The following RELN variants were observed in gnomAD, a reference collection of about 807,000 sequenced individuals.
RELN encodes the protein reelin.
In RELN, 108 loss-of-function variants were observed where a neutral mutation model predicts 427.6. The ratio of observed to expected loss-of-function variants is 0.25; its 90% CI spans 0.22 to 0.30. The LOEUF (loss-of-function observed/expected upper bound fraction) is 0.30, where lower values mean the gene tolerates loss of function less well. Among genes scored for constraint, RELN ranks in the 10% least tolerant of loss-of-function variants. The probability of loss-of-function intolerance (pLI) is 1.00; values close to 1 mark genes in which losing one functional copy is unlikely to be tolerated. For missense variants in RELN, 3,715 were observed against 4,302.8 expected (o/e 0.86, Z 3.82); for synonymous variants, 1,524 against 1,513.4 (o/e 1.01, Z -0.16).
intron 45 of RELN, among the ~76,000 whole-genome samples, chr7:103,538,794 G>A (rs1359427603): frequency 1.3e-5 from 2 of 151,938 alleles, no homozygotes; most frequent in Non-Finnish European, 2.9e-5. Context: ...ATAAAACCTG[G>A]ATTTACAAAT....
At chr7:103,942,469 T>C (rs1157488895) in intron 1 of RELN, among the ~76,000 whole-genome samples, 3 of 152,174 alleles carry the variant, frequency 2.0e-5, no homozygotes, top group African/African-American at 7.2e-5. Flanking sequence ...CAAAGTGTGG[T>C]CTACAGAACA....
chr7:103,618,374 T>C (rs912328486), intron 20 of RELN, among the ~76,000 whole-genome samples: 2 of 150,386 alleles, frequency 1.3e-5, no homozygotes, highest in African/African-American at 4.9e-5. Flanking sequence ...CTCTAGCCTC[T>C]CCTTCTGTGT....
rs1295097267 is a variant in RELN, at chr7:103,874,004, C to T, written c.338-40332G>A. The stretch of plus-strand genomic sequence containing the variant: ...CCAGCAGCACATCAAAAAGCTTATC[C>T]ACCATGATCAAGTGGGCTTCATCCC... On this transcript the variant is annotated intron_variant, in intron 2 of 64. Coordinates refer to ENST00000428762, the MANE Select transcript of RELN (RefSeq NM_005045.4). Among the ~76,000 whole-genome samples, 21 of 144,468 alleles carry T rather than the reference C, an allele frequency of 1.5e-4. 1 individual carries two copies. The highest frequency in any genetic ancestry group is 2.9e-4 in the Non-Finnish European group (19 of 65,286). 94.8% of individuals were successfully genotyped at this position (144,468 alleles called of 152,430 possible).
At chr7:103,631,699 G>A (rs147634612) in intron 19 of RELN, among the ~76,000 whole-genome samples, 79 of 152,164 alleles carry the variant, frequency 5.2e-4, no homozygotes, top group African/African-American at 1.8e-3. Context: ...TATTAGAAGA[G>A]TCAGGTTTTG....
rs1157819072 is a variant in RELN, at chr7:103,513,423, TATTCTCTG to T, written c.8119+1754_8119+1761del. On this transcript the variant is annotated intron_variant, in intron 50 of 64. Transcript: ENST00000428762. ...ATTCATATGGAAGCAGTGTTTAAAT[TATTCTCTG>T]ATTGTAAACTCACTTATGTAAACCA... is the stretch of plus-strand genomic sequence containing the variant. 9.2e-5 allele frequency: 14 copies of T among 152,332 alleles called. No homozygotes were observed. The South Asian group carries it at 2.7e-3, about 29-fold the overall frequency. 9.4% of individuals were successfully genotyped at this position (152,332 alleles called of 1,614,324 possible).
intron 57 of RELN, among the ~76,000 whole-genome samples, chr7:103,493,244 G>A (rs1166332432): frequency 6.6e-6 from 1 of 152,120 alleles, no homozygotes; most frequent in East Asian, 1.9e-4. Flanking sequence ...AGAGAAGATT[G>A]GATGGATACC....
intron 2 of RELN, among the ~76,000 whole-genome samples, chr7:103,838,830 C>T (rs989539826): frequency 6.6e-6 from 1 of 152,228 alleles, no homozygotes; most frequent in Non-Finnish European, 1.5e-5. Flanking sequence ...CCACATATTA[C>T]TTGACAATTT....
Position 103,749,509 on chromosome 7 carries a change from A to G in RELN, c.578-5T>C, listed in dbSNP as rs1387732584. On this transcript the variant is annotated splice_polypyrimidine_tract_variant and splice_region_variant and intron_variant, in intron 5 of 64. Coordinates refer to ENST00000428762, the MANE Select transcript of RELN (RefSeq NM_005045.4). ...TGCTGTCACTATGTATTTCAGCTAA[A>G]AGAAAAAGGAAGTATTTAGGAAAGA... is the stretch of plus-strand genomic sequence containing the variant. 6.3e-7 allele frequency: 1 copy of G among 1,597,068 alleles called. No homozygotes were observed. Among genetic ancestry groups the G allele is most frequent in the East Asian group, 2.2e-5 (1 of 44,740 alleles).
chr7:103,709,638 G>A (rs1306280434), intron 8 of RELN, among the ~76,000 whole-genome samples: 1 of 152,110 alleles, frequency 6.6e-6, no homozygotes, highest in East Asian at 1.9e-4. Flanking sequence ...GCAGAGAAAG[G>A]ACTATATGAC....
At chr7:103,698,851 T>C (rs1183163382) in intron 9 of RELN, among the ~76,000 whole-genome samples, 1 of 152,132 alleles carries the variant, frequency 6.6e-6, no homozygotes, top group Non-Finnish European at 1.5e-5. Context: ...ACTTTGAAAT[T>C]ATTCACCTAT....
At chr7:103,769,970 T>G (rs987615786) in intron 4 of RELN, among the ~76,000 whole-genome samples, 18 of 152,172 alleles carry the variant, frequency 1.2e-4, no homozygotes, top group African/African-American at 4.3e-4. Context: ...TTGAGATACC[T>G]ACCCACAGAA....
chr7:103,531,063 C>A (rs969582513), intron 46 of RELN, among the ~76,000 whole-genome samples: 4 of 152,126 alleles, frequency 2.6e-5, no homozygotes, highest in Admixed American at 1.3e-4. Context: ...TGATAATAAA[C>A]CTGTGTTATG....
intron 20 of RELN, among the ~76,000 whole-genome samples, chr7:103,615,373 G>A (rs1464977138): frequency 6.6e-6 from 1 of 152,028 alleles, no homozygotes; most frequent in Non-Finnish European, 1.5e-5. Flanking sequence ...CCTTTGCCTC[G>A]CCCTCCTTTC....
At chr7:103,894,700 G>A (rs1794922043) in intron 2 of RELN, among the ~76,000 whole-genome samples, 1 of 152,130 alleles carries the variant, frequency 6.6e-6, no homozygotes, top group African/African-American at 2.4e-5. Context: ...GAAAAATGCA[G>A]AGGCAGCTGT....
rs749919235 is a variant in RELN, at chr7:103,500,728, C to T, written c.8667+17G>A. ...CATGATGTGAGTAATGCGTCTTGTCCAGGGCTTTACCCTTACCTTCAGAGT... is the reference window on the plus strand; with the variant it reads ...CATGATGTGAGTAATGCGTCTTGTCTAGGGCTTTACCCTTACCTTCAGAGT... On this transcript the variant is annotated intron_variant, in intron 53 of 64. Coordinates refer to ENST00000428762, the MANE Select transcript of RELN (RefSeq NM_005045.4). The T allele has an allele frequency of 8.7e-6, 14 of 1,613,326 alleles. No homozygotes were observed. Among genetic ancestry groups the T allele is most frequent in the Admixed American group, 6.7e-5 (4 of 59,976 alleles).
intron 40 of RELN, among the ~76,000 whole-genome samples, chr7:103,552,691 G>A (rs964258405): frequency 1.3e-5 from 2 of 151,542 alleles, no homozygotes; most frequent in African/African-American, 2.4e-5. Flanking sequence ...TTAGTGAGAC[G>A]GGGTTTCACC....
At chr7:103,595,699 A>T (rs1367708273) in intron 25 of RELN, among the ~76,000 whole-genome samples, 1 of 152,114 alleles carries the variant, frequency 6.6e-6, no homozygotes, top group East Asian at 1.9e-4. Context: ...CATACAAAAA[A>T]TTATTTTTTT....
At chr7:103,880,516 A>G (rs757311458) in intron 2 of RELN, among the ~76,000 whole-genome samples, 2 of 152,134 alleles carry the variant, frequency 1.3e-5, no homozygotes, top group Admixed American at 6.5e-5. Flanking sequence ...CTTTGTCATC[A>G]TCATCATTAT....
Position 103,561,959 on chromosome 7 carries a change from CAAAA to C in RELN, c.5211-10_5211-7del, listed in dbSNP as rs34125550. ...TGAACCGGGTCCTGGGAGAACTAAC[CAAAA>C]AAAAAAAAAAAAAAACACACCACTG... On this transcript the variant is annotated splice_region_variant and splice_polypyrimidine_tract_variant and intron_variant, in intron 34 of 64. Transcript: ENST00000428762. 2,058 of 1,309,308 alleles carry C rather than the reference CAAAA, an allele frequency of 1.6e-3. No homozygotes were observed. Among genetic ancestry groups the C allele is most frequent in the Middle Eastern group, 3.3e-3 (12 of 3,650 alleles). The allele number at this position is 1,309,308 out of a possible 1,614,324, so 81.1% of individuals were successfully genotyped here. A position where few individuals can be genotyped will look rare whatever the true frequency, so the allele number is the denominator to read the frequency against.
Sources: gnomAD v4.1 joint callset for allele counts (sites outside exome capture counted in the v4.1 genomes callset) on GRCh38, gnomAD v4.1.1 for gene constraint, MANE v1.5 for transcripts, NCBI Gene and HGNC (gene_info 2026-07-23, HGNC 2026-07-21) for gene names.